SSH1: variants seen among roughly 807,000 people sequenced by gnomAD.
The protein encoded by SSH1 is slingshot protein phosphatase 1, also known as protein phosphatase Slingshot homolog 1.
SSH1 carries 43 observed loss-of-function variants against 79.7 expected under a neutral mutation model. The observed-to-expected ratio is 0.54, with a 90% CI of 0.42 to 0.70. SSH1 has a LOEUF of 0.70. SSH1 is among the 30% of genes least tolerant of loss of function. SSH1 has a pLI of 0.00. For missense variants in SSH1, 1,206 were observed against 1,358.8 expected, an observed-to-expected ratio of 0.89 and a Z score of 1.77; for synonymous variants, 599 against 538.3, an observed-to-expected ratio of 1.11 and a Z score of -1.56.
intron 6 of SSH1, among the ~76,000 whole-genome samples, chr12:108,811,054 T>C (rs932600611): frequency 2.0e-5 from 3 of 152,182 alleles, no homozygotes; most frequent in Non-Finnish European, 4.4e-5. Flanking sequence ...CCACTGATAC[T>C]TCATGAGCTA....
intron 13 of SSH1, among the ~76,000 whole-genome samples, chr12:108,793,728 A>G (rs926250129): frequency 6.6e-6 from 1 of 152,186 alleles, no homozygotes; most frequent in African/African-American, 2.4e-5. Context: ...AAGGCATAAA[A>G]AAAAAGTTTA....
intron 5 of SSH1, among the ~76,000 whole-genome samples, chr12:108,816,314 G>A (rs1210901405): frequency 6.6e-6 from 1 of 152,214 alleles, no homozygotes; most frequent in African/African-American, 2.4e-5. Flanking sequence ...CTCATACACA[G>A]GAGAATGCAA....
chr12:108,822,952 G>A (rs915181891), intron 3 of SSH1, among the ~76,000 whole-genome samples: 1 of 152,208 alleles, frequency 6.6e-6, no homozygotes, highest in Non-Finnish European at 1.5e-5. Context: ...TGGTGCATTT[G>A]TTAAAAAGTC....
intron 1 of SSH1, among the ~76,000 whole-genome samples, chr12:108,855,426 T>C (rs1272874538): frequency 6.6e-6 from 1 of 152,188 alleles, no homozygotes; most frequent in East Asian, 1.9e-4. Context: ...TAGATGGTGG[T>C]GGTTGCACAA....
intron 1 of SSH1, chr12:108,852,994 C>A: frequency 1.0e-6 from 1 of 985,380 alleles, no homozygotes. Flanking sequence ...CCTCAACTTT[C>A]CGAGGTTGTT....
chr12:108,786,001 T>C lies in SSH1; in HGVS notation c.*1987A>G, dbSNP rs1194747887. The C allele has an allele frequency of 6.6e-6, 1 of 152,262 alleles. No homozygotes were observed. Among genetic ancestry groups the C allele is most frequent in the African/African-American group, 2.4e-5 (1 of 41,474 alleles). The allele number at this position is 152,262 out of a possible 1,614,324, so 9.4% of individuals were successfully genotyped here. ...AAACAGCTCCCTATAAAGTAATGTA[T>C]GTATTTTTAAAAATCACTCCAAGGA... is the stretch of plus-strand genomic sequence containing the variant. On this transcript the variant is annotated 3_prime_UTR_variant, in exon 15 of 15. Transcript: ENST00000326495.
rs551597974 is a variant in SSH1, at chr12:108,800,644, C to T, written c.1148+136G>A. Reference sequence around the variant, plus strand: ...CCACATCAAGTCCACTCCCACCAGCCAACTCCTGCGTCTGGAGTCCCGTTA... The same window carrying T: ...CCACATCAAGTCCACTCCCACCAGCTAACTCCTGCGTCTGGAGTCCCGTTA... On this transcript the variant is annotated intron_variant, in intron 12 of 14. Transcript: ENST00000326495. The T allele has an allele frequency of 2.3e-5, 24 of 1,040,734 alleles. No individual in the cohort carries two copies. The East Asian group carries it at 5.3e-4, about 23-fold the overall frequency. The allele number at this position is 1,040,734 out of a possible 1,614,324, so 64.5% of individuals were successfully genotyped here.
chr12:108,788,343 A>G lies in SSH1; in HGVS notation c.2795T>C (p.Leu932Pro). 1 of 1,613,238 alleles carries G rather than the reference A, an allele frequency of 6.2e-7. No homozygotes were observed. The highest frequency in any genetic ancestry group is 8.5e-7 in the Non-Finnish European group (1 of 1,179,944). Residue 932 changes from leucine (L) to proline (P), a missense_variant, in exon 15 of 15, where the codon CTG (leucine) becomes CCG (proline). Physicochemically the swap from Leu to Pro is moderately conservative, Grantham distance 98. This residue lies in a region of SSH1 where 709 missense variants were observed against 730.6 expected (regional missense o/e 0.97). Transcript: ENST00000326495. ...TPTSSSMSSNLTRSSSSDSIH... is the reference protein window; with the variant it reads ...TPTSSSMSSNPTRSSSSDSIH... ...GCTATCGCTGCTGGAGCTCCGGGTC[A>G]GGTTGGAGCTCATGGAAGAGGAGGT...
At chr12:108,847,683 C>T (rs2137278977) in intron 2 of SSH1, among the ~76,000 whole-genome samples, 1 of 152,240 alleles carries the variant, frequency 6.6e-6, no homozygotes, top group South Asian at 2.1e-4. Context: ...TCTCGAACTC[C>T]GGAGCTCCAG....
intron 4 of SSH1, among the ~76,000 whole-genome samples, chr12:108,818,017 T>C (rs965806822): frequency 6.6e-6 from 1 of 151,744 alleles, no homozygotes; most frequent in Admixed American, 6.6e-5. Context: ...CTGGGCAAAA[T>C]AGCAAGACCC....
chr12:108,795,027 C>T (rs533309708), intron 13 of SSH1, among the ~76,000 whole-genome samples: 4 of 152,176 alleles, frequency 2.6e-5, no homozygotes, highest in African/African-American at 4.8e-5. Context: ...CCCCCTACCC[C>T]GCTTCACATG....
intron 11 of SSH1, 25 bp from the exon 12 acceptor site, chr12:108,800,951 C>A (rs768651070): frequency 1.2e-6 from 2 of 1,605,376 alleles, no homozygotes; most frequent in African/African-American, 2.7e-5. Context: ...AAATAAGAAA[C>A]AAATTTGGAC....
intron 2 of SSH1, among the ~76,000 whole-genome samples, chr12:108,832,262 A>G (rs2137228463): frequency 6.6e-6 from 1 of 151,874 alleles, no homozygotes; most frequent in Non-Finnish European, 1.5e-5. Flanking sequence ...GTACCGCTGC[A>G]CTCCAGCCTG....
At chr12:108,826,378 C>A in intron 2 of SSH1, 1 of 319,910 alleles carries the variant, frequency 3.1e-6, no homozygotes, top group East Asian at 8.8e-5. Context: ...TCTGTTCCCC[C>A]ACGACAATCA....
At chr12:108,801,194 G>C (rs1438649403) in intron 11 of SSH1, among the ~76,000 whole-genome samples, 1 of 152,056 alleles carries the variant, frequency 6.6e-6, no homozygotes, top group African/African-American at 2.4e-5. Flanking sequence ...AAAGCATTCT[G>C]GAAAATTAAA....
At chr12:108,789,936 C>T (rs2036431799) in intron 14 of SSH1, among the ~76,000 whole-genome samples, 1 of 152,072 alleles carries the variant, frequency 6.6e-6, no homozygotes, top group South Asian at 2.1e-4. Flanking sequence ...TCAAGTGTTC[C>T]TCCTGCCTCG....
In SSH1 at chr12:108,807,820, G is replaced by A; in HGVS notation, c.544C>T (p.Leu182=). ...PVSVQAMWSA[L]QVLHKACEVA... is the part of the protein sequence containing the mutation. Reference sequence around the variant, plus strand: ...TCGCAGGCCTTGTGAAGCACCTGCAGGGCAGACCTGGGGCGAGGAGAAGAC... The same window carrying A: ...TCGCAGGCCTTGTGAAGCACCTGCAAGGCAGACCTGGGGCGAGGAGAAGAC... The change falls in exon 8 of 15, where the codon CTG becomes TTG. Residue 182 remains leucine, a synonymous_variant. Coordinates refer to ENST00000326495, the MANE Select transcript of SSH1 (RefSeq NM_018984.4). The surrounding 1 kb of genome is among the most constrained non-coding windows in gnomAD (Gnocchi z 5.2). The A allele has an allele frequency of 1.9e-6, 3 of 1,613,858 alleles. No individual in the cohort carries two copies. The highest frequency in any genetic ancestry group is 2.5e-6 in the Non-Finnish European group (3 of 1,179,998).
chr12:108,844,667 G>C lies in SSH1; in HGVS notation c.110+7971C>G, dbSNP rs887560403. Among the ~76,000 whole-genome samples, 5 of 152,232 alleles carry C rather than the reference G, an allele frequency of 3.3e-5. No individual in the cohort carries two copies. In the South Asian group the frequency reaches 1.0e-3, roughly 32 times the overall value. On this transcript the variant is annotated intron_variant, in intron 2 of 14. Coordinates refer to ENST00000326495, the MANE Select transcript of SSH1 (RefSeq NM_018984.4). ...GGAGGGACCAGAGAACAAGATGGGA[G>C]AGCTGTTCCCTTAATTAGGCTGTGC...
chr12:108,812,536 G>A (rs975146773), intron 5 of SSH1, among the ~76,000 whole-genome samples: 1 of 152,234 alleles, frequency 6.6e-6, no homozygotes, highest in African/African-American at 2.4e-5. Context: ...CAGGGGCGGG[G>A]CCTTCCAGGG....
Sources: allele counts gnomAD v4.1 joint callset (sites outside exome capture counted in the v4.1 genomes callset), GRCh38; gene constraint gnomAD v4.1.1; regional missense constraint gnomAD v4.1.1; non-coding constraint Gnocchi (gnomAD v3.1); transcripts MANE v1.5; gene names NCBI Gene and HGNC (gene_info 2026-07-23, HGNC 2026-07-21).